ABCA13: variants seen among roughly 807,000 people sequenced by gnomAD.
The protein encoded by ABCA13 is ATP binding cassette subfamily A member 13, also known as ATP-binding cassette sub-family A member 13.
ABCA13 carries 476 observed loss-of-function variants against 478.7 expected under a neutral mutation model. The ratio of observed to expected loss-of-function variants is 0.99; its 90% CI spans 0.92 to 1.07. The LOEUF (loss-of-function observed/expected upper bound fraction) is 1.07, where lower values mean the gene tolerates loss of function less well. Ranked by LOEUF, ABCA13 falls within the 50% of genes least tolerant of loss-of-function variation. The pLI is 0.00. For missense variants in ABCA13, 6,060 were observed against 5,910.6 expected, an observed-to-expected ratio of 1.03 and a Z score of -0.83; for synonymous variants, 2,252 against 2,158.9, an observed-to-expected ratio of 1.04 and a Z score of -1.20.
intron 15 of ABCA13, among the ~76,000 whole-genome samples, chr7:48,263,801 A>G (rs1794510974): frequency 1.3e-5 from 2 of 151,902 alleles, no homozygotes; most frequent in Non-Finnish European, 2.9e-5. Flanking sequence ...ATGTATATTT[A>G]TGAGTAACAT....
At chr7:48,503,902 T>A (rs1400515435) in intron 48 of ABCA13, among the ~76,000 whole-genome samples, 1 of 152,240 alleles carries the variant, frequency 6.6e-6, no homozygotes, top group African/African-American at 2.4e-5. Context: ...TGTACTAATT[T>A]ACATTCCCAC....
chr7:48,498,181 C>T (rs1458333257), intron 48 of ABCA13, among the ~76,000 whole-genome samples: 1 of 152,146 alleles, frequency 6.6e-6, no homozygotes, highest in African/African-American at 2.4e-5. Context: ...GATTCACTAC[C>T]CAATGGGCCC....
In ABCA13 at chr7:48,273,544, G is replaced by C; in HGVS notation, c.3878G>C (p.Ser1293Thr). ...CTTGAAGTTTTCATTGAGTTTAGCA[G>C]TACCTCAGAATATATAGTCAGAAAT... Reference protein sequence around the residue: ...SLLEVFIEFSSTSEYIVRNLD... With the variant: ...SLLEVFIEFSTTSEYIVRNLD... The change falls in exon 17 of 62, where the codon AGT becomes ACT. Residue 1293 changes from serine to threonine, a missense_variant. This residue lies in a region of ABCA13 where 4,423 missense variants were observed against 4,309.1 expected (regional missense o/e 1.03). Transcript: ENST00000435803. 6.3e-7 allele frequency: 1 copy of C among 1,583,210 alleles called. No individual in the cohort carries two copies. The highest frequency in any genetic ancestry group is 8.6e-7 in the Non-Finnish European group (1 of 1,162,610).
At position 48,198,336 on chromosome 7, in the gene ABCA13, A is replaced by C; in HGVS notation, c.263A>C (p.Glu88Ala). ...TGSRCRNFSYEGSMEHHFRLS... is the reference protein window; with the variant it reads ...TGSRCRNFSYAGSMEHHFRLS... ...TCAAGGTGTAGGAACTTCAGCTATG[A>C]AGGGTCAATGGAGCATCATTTTCGG... The change falls in exon 3 of 62, where the codon GAA becomes GCA. Residue 88 changes from glutamate (E) to alanine (A), a missense_variant. This residue lies in a region of ABCA13 where 4,423 missense variants were observed against 4,309.1 expected (regional missense o/e 1.03). Transcript: ENST00000435803. 1 of 1,613,816 alleles carries C rather than the reference A, an allele frequency of 6.2e-7. No individual in the cohort carries two copies. The highest frequency in any genetic ancestry group is 8.5e-7 in the Non-Finnish European group (1 of 1,179,818).
At chr7:48,546,433 G>T (rs1192435077) in intron 55 of ABCA13, among the ~76,000 whole-genome samples, 1 of 151,366 alleles carries the variant, frequency 6.6e-6, no homozygotes, top group East Asian at 1.9e-4. Flanking sequence ...TAGGTCAATA[G>T]TTGTTATATA....
At chr7:48,288,246 CT>C (rs1798038345) in intron 20 of ABCA13, among the ~76,000 whole-genome samples, 168 bp downstream of exon 20, 1 of 152,206 alleles carries the variant, frequency 6.6e-6, no homozygotes, top group Non-Finnish European at 1.5e-5. Context: ...CCCTTCCTCC[CT>C]CTTGGCCTCT....
chr7:48,197,097 T>C (rs913415989), intron 2 of ABCA13, among the ~76,000 whole-genome samples: 3 of 152,212 alleles, frequency 2.0e-5, no homozygotes, highest in African/African-American at 7.2e-5. Flanking sequence ...GTAAATTCTG[T>C]TTGTGCTGGT....
At chr7:48,404,155 TGTC>T in intron 39 of ABCA13, 1 of 375,574 alleles carries the variant, frequency 2.7e-6, no homozygotes, top group Admixed American at 3.4e-5. Context: ...CAAGGAAAAT[TGTC>T]TTCTTCTGGA....
At chr7:48,231,703 C>G (rs547814758) in intron 7 of ABCA13, among the ~76,000 whole-genome samples, 1 of 151,814 alleles carries the variant, frequency 6.6e-6, no homozygotes, top group African/African-American at 2.4e-5. Context: ...GCTCTTTTGC[C>G]CAGGCGGCAG....
At chr7:48,303,758 T>C (rs1297277154) in intron 23 of ABCA13, among the ~76,000 whole-genome samples, 3 of 152,214 alleles carry the variant, frequency 2.0e-5, no homozygotes, top group Non-Finnish European at 4.4e-5. Context: ...CAAGGTGTTT[T>C]TTGATATCAA....
At chr7:48,546,721 G>A (rs965356292) in intron 55 of ABCA13, among the ~76,000 whole-genome samples, 2 of 151,492 alleles carry the variant, frequency 1.3e-5, no homozygotes, top group African/African-American at 2.4e-5. Context: ...ACTATGAAGT[G>A]CTATGACACC....
At chr7:48,286,867 C>A (rs1435721944) in intron 19 of ABCA13, among the ~76,000 whole-genome samples, 1 of 151,352 alleles carries the variant, frequency 6.6e-6, no homozygotes, top group African/African-American at 2.4e-5. Context: ...GTCAGGATAA[C>A]ATTTTTTTTT....
intron 41 of ABCA13, among the ~76,000 whole-genome samples, chr7:48,424,186 A>G (rs560825942): frequency 6.6e-6 from 1 of 152,300 alleles, no homozygotes; most frequent in East Asian, 1.9e-4. Flanking sequence ...CTTTATTTCT[A>G]TCTCTTTTGG....
chr7:48,376,438 T>A lies in ABCA13; in HGVS notation c.11204-3T>A, dbSNP rs771233555. 25 of 1,612,768 alleles carry A rather than the reference T, an allele frequency of 1.6e-5. No individual in the cohort carries two copies. Among genetic ancestry groups the A allele is most frequent in the Non-Finnish European group, 2.1e-5 (25 of 1,179,494 alleles). On this transcript the variant is annotated splice_polypyrimidine_tract_variant and splice_region_variant and intron_variant, in intron 34 of 61. Transcript: ENST00000435803. The stretch of plus-strand genomic sequence containing the variant: ...CTAACTCTGACCTTTTTCTTCCTGC[T>A]AGGGATTCAATGGAATAATATGTAC...
At chr7:48,537,508 G>C (rs1833665753) in intron 55 of ABCA13, among the ~76,000 whole-genome samples, 1 of 152,156 alleles carries the variant, frequency 6.6e-6, no homozygotes, top group African/African-American at 2.4e-5. Context: ...AACAAGGGAG[G>C]GGAAGGAGTT....
At chr7:48,562,303 T>G (rs896116708) in intron 55 of ABCA13, among the ~76,000 whole-genome samples, 2 of 113,560 alleles carry the variant, frequency 1.8e-5, no homozygotes, top group African/African-American at 8.1e-5. Flanking sequence ...GGGCTGAGTT[T>G]TTAATTCTAT....
intron 35 of ABCA13, among the ~76,000 whole-genome samples, chr7:48,386,177 C>A (rs1259161892): frequency 6.6e-6 from 1 of 152,128 alleles, no homozygotes; most frequent in East Asian, 1.9e-4. Flanking sequence ...AGGAATACAC[C>A]TAACAAGGTG....
rs116619644 is a variant in ABCA13 at position 48,573,699 on chromosome 7, A to G, written c.14355-6525A>G. On this transcript the variant is annotated intron_variant, in intron 55 of 61. Coordinates refer to ENST00000435803, the MANE Select transcript of ABCA13 (RefSeq NM_152701.5). ...CAGTAAGCTATGATTGTACCACTGC[A>G]CTCCAAGCTCAGCTACAGAGTGAGA... 7.3e-3 allele frequency among the ~76,000 whole-genome samples: 1,111 copies of G among 152,210 alleles called. 9 individuals are homozygous for G. The highest frequency in any genetic ancestry group is 0.025 in the African/African-American group (1,050 of 41,510).
chr7:48,528,481 C>T (rs1341581293), intron 55 of ABCA13, 136 bp downstream of exon 55: 1 of 608,954 alleles, frequency 1.6e-6, no homozygotes, highest in East Asian at 3.0e-5. Flanking sequence ...AATTACCACT[C>T]CTCTGATGTG....
Sources: allele counts gnomAD v4.1 joint callset (sites outside exome capture counted in the v4.1 genomes callset), GRCh38; gene constraint gnomAD v4.1.1; regional missense constraint gnomAD v4.1.1; transcripts MANE v1.5; gene names NCBI Gene and HGNC (gene_info 2026-07-23, HGNC 2026-07-21).